SEC14L6: variants seen among roughly 807,000 people sequenced by gnomAD.
SEC14L6 encodes SEC14 like lipid binding 6.
Under a neutral mutation model 54.1 loss-of-function variants are expected in SEC14L6, and 40 were observed. The observed-to-expected ratio is 0.74, with a 90% confidence interval of 0.57 to 0.96. The LOEUF (loss-of-function observed/expected upper bound fraction) is 0.96. Ranked by LOEUF, SEC14L6 falls within the 40% of genes least tolerant of loss-of-function variation. The probability of loss-of-function intolerance (pLI) is 0.00; values close to 1 mark genes in which losing one functional copy is unlikely to be tolerated. For synonymous variants in SEC14L6, 171 were observed against 198.4 expected, an observed-to-expected ratio of 0.86 and a Z score of 1.16; for missense variants, 471 against 498.3, an observed-to-expected ratio of 0.95 and a Z score of 0.52.
At chr22:30,525,547 C>T in intron 10 of SEC14L6, 28 bp from the exon 11 acceptor site, 4 of 1,610,834 alleles carry the variant, frequency 2.5e-6, no homozygotes, top group Non-Finnish European at 3.4e-6. Context: ...CCATTGGCGA[C>T]CCCCTGCCTG....
chr22:30,539,337 AT>A (rs531869613), intron 1 of SEC14L6, among the ~76,000 whole-genome samples: 134 of 152,316 alleles, frequency 8.8e-4, no homozygotes, highest in African/African-American at 3.2e-3. Context: ...AGATCCCACC[AT>A]TGCACTCCAG....
intron 6 of SEC14L6, among the ~76,000 whole-genome samples, chr22:30,529,861 C>T (rs1464841044): frequency 6.6e-6 from 1 of 152,168 alleles, no homozygotes; most frequent in African/African-American, 2.4e-5. Flanking sequence ...AGTTCAGCTT[C>T]AGGAATGAGA....
At chr22:30,542,891 G>T in intron 1 of SEC14L6, 2 of 1,601,238 alleles carry the variant, frequency 1.2e-6, no homozygotes, top group Non-Finnish European at 1.7e-6. Flanking sequence ...TTTTCCATCT[G>T]CATCAGTAAC....
chr22:30,527,650 G>C (rs1936818597), intron 8 of SEC14L6, among the ~76,000 whole-genome samples: 1 of 149,832 alleles, frequency 6.7e-6, no homozygotes, highest in East Asian at 2.0e-4. Flanking sequence ...TGGAGGTCGA[G>C]GCTGCAGTGA....
intron 5 of SEC14L6, 176 bp from the exon 6 acceptor site, chr22:30,532,174 A>G: frequency 1.0e-6 from 1 of 985,406 alleles, no homozygotes; most frequent in Non-Finnish European, 1.2e-6. Context: ...TGACCCAAGG[A>G]CCGACCTCTT....
At position 30,523,913 on chromosome 22, in the gene SEC14L6, G is replaced by C. The variant is rs1275219323; in HGVS notation, c.*1084C>G. The C allele has an allele frequency of 6.6e-6, 1 of 152,192 alleles. No homozygotes were observed. The highest frequency in any genetic ancestry group is 2.4e-5 in the African/African-American group (1 of 41,446). The allele number at this position is 152,192 out of a possible 1,614,324, so 9.4% of individuals were successfully genotyped here. A position where few individuals can be genotyped will look rare whatever the true frequency, so the allele number is the denominator to read the frequency against. On this transcript the variant is annotated 3_prime_UTR_variant, in exon 12 of 12. Coordinates refer to ENST00000402034, the MANE Select transcript of SEC14L6 (RefSeq NM_001193336.4). ...AGGTTTTGCTAATCCTGGAGGGCCTGCCTCTCCTAGAGATACAGCAACTTG... is the reference window on the plus strand; with the variant it reads ...AGGTTTTGCTAATCCTGGAGGGCCTCCCTCTCCTAGAGATACAGCAACTTG...
chr22:30,542,841 A>G (rs2146303489), intron 1 of SEC14L6: 1 of 1,596,530 alleles, frequency 6.3e-7, no homozygotes, highest in Non-Finnish European at 8.6e-7. Flanking sequence ...TCCCCCGGGT[A>G]ACAACTGTTT....
chr22:30,529,045 C>G lies in SEC14L6; in HGVS notation c.664+42G>C, dbSNP rs10427765. 4,006 of 1,483,520 alleles carry G rather than the reference C, an allele frequency of 2.7e-3. 91 individuals are homozygous for G. The African/African-American group carries it at 0.047, about 17-fold the overall frequency. 91.9% of individuals were successfully genotyped at this position (1,483,520 alleles called of 1,614,324 possible). ...TCTGTGAGAAGGACCACCCTCAGCT[C>G]AGGATCCAGGCTGGAAAAGAGGCCG... On this transcript the variant is annotated intron_variant, in intron 8 of 11. Coordinates refer to ENST00000402034, the MANE Select transcript of SEC14L6 (RefSeq NM_001193336.4).
intron 2 of SEC14L6, among the ~76,000 whole-genome samples, chr22:30,537,198 AG>A (rs1463604620): frequency 1.3e-5 from 2 of 152,170 alleles, no homozygotes; most frequent in African/African-American, 4.8e-5. Flanking sequence ...CAAAAATCAT[AG>A]GAGGCCATTG....
At chr22:30,544,014 C>G (rs2085771239) in intron 1 of SEC14L6, 1 of 1,590,520 alleles carries the variant, frequency 6.3e-7, no homozygotes, top group African/African-American at 1.3e-5. Flanking sequence ...ACCGGACCCC[C>G]AAGCAGCTGG....
intron 1 of SEC14L6, chr22:30,542,623 C>G: frequency 6.5e-7 from 1 of 1,536,900 alleles, no homozygotes; most frequent in Non-Finnish European, 8.8e-7. Context: ...GCTCTGCCTG[C>G]TGCTCCCCGC....
At chr22:30,531,397 ACT>A (rs1936965542) in intron 6 of SEC14L6, among the ~76,000 whole-genome samples, 1 of 148,952 alleles carries the variant, frequency 6.7e-6, no homozygotes, top group Non-Finnish European at 1.5e-5. Flanking sequence ...ACAGAGCAAG[ACT>A]CTGTCTCAAA....
chr22:30,532,163 G>A (rs1192214516), intron 5 of SEC14L6, 165 bp from the exon 6 acceptor site: 7 of 985,338 alleles, frequency 7.1e-6, no homozygotes, highest in Non-Finnish European at 8.4e-6. Context: ...CAGGACCGGA[G>A]TGACCCAAGG....
intron 2 of SEC14L6, among the ~76,000 whole-genome samples, chr22:30,537,784 A>C (rs575209663): frequency 2.1e-4 from 32 of 152,278 alleles, no homozygotes; most frequent in African/African-American, 6.5e-4. Flanking sequence ...TTACCAGAAA[A>C]GTACTGTAGC....
intron 8 of SEC14L6, among the ~76,000 whole-genome samples, chr22:30,528,163 C>T (rs1936841457): frequency 6.9e-6 from 1 of 145,292 alleles, no homozygotes; most frequent in Non-Finnish European, 1.5e-5. Context: ...AGCTCTGTCA[C>T]CCAGGCTGGA....
chr22:30,543,654 T>A, intron 1 of SEC14L6: 1 of 1,612,782 alleles, frequency 6.2e-7, no homozygotes, highest in Non-Finnish European at 8.5e-7. Context: ...ATACCGCCGC[T>A]GAGAACACTG....
At position 30,524,816 on chromosome 22, in the gene SEC14L6, C is replaced by T. The variant is rs1936710433; in HGVS notation, c.*181G>A. The T allele has an allele frequency of 3.5e-6, 2 of 565,898 alleles. No individual in the cohort carries two copies. Among genetic ancestry groups the T allele is most frequent in the African/African-American group, 1.9e-5 (1 of 53,140 alleles). 35.1% of individuals were successfully genotyped at this position (565,898 alleles called of 1,614,324 possible). On this transcript the variant is annotated 3_prime_UTR_variant, in exon 12 of 12. Transcript: ENST00000402034. Reference sequence around the variant, plus strand: ...TGTTGCTTTGCTGTGACCATCGGGCCACCACTAGGACACTGTCCCAGCCGT... The same window carrying T: ...TGTTGCTTTGCTGTGACCATCGGGCTACCACTAGGACACTGTCCCAGCCGT...
chr22:30,531,886 T>A lies in SEC14L6; in HGVS notation c.519+17A>T, dbSNP rs1191031962. On this transcript the variant is annotated intron_variant, in intron 6 of 11. Transcript: ENST00000402034. ...GCATTTGACCACCCACCCATGCCCC[T>A]GGCGGGGTCACCTCACCTCCTGGAG... is the stretch of plus-strand genomic sequence containing the variant. 2 of 1,542,400 alleles carry A rather than the reference T, an allele frequency of 1.3e-6. No homozygotes were observed. The highest frequency in any genetic ancestry group is 2.4e-5 in the South Asian group (2 of 83,784).
chr22:30,533,812 T>C (rs1189979832), intron 3 of SEC14L6, among the ~76,000 whole-genome samples, 184 bp downstream of exon 3: 1 of 152,164 alleles, frequency 6.6e-6, no homozygotes, highest in Non-Finnish European at 1.5e-5. Context: ...CTGGTTTCTT[T>C]TTCTCTCTTC....
Sources: gnomAD v4.1 joint callset for allele counts (sites outside exome capture counted in the v4.1 genomes callset) on GRCh38, gnomAD v4.1.1 for gene constraint, MANE v1.5 for transcripts, NCBI Gene and HGNC (gene_info 2026-07-23, HGNC 2026-07-21) for gene names.